The following EVI5 variants were observed in gnomAD, a reference collection of about 807,000 sequenced individuals.
The protein encoded by EVI5 is ecotropic viral integration site 5 protein homolog.
In EVI5, 73 loss-of-function variants were observed where a neutral mutation model predicts 112.0. The ratio of observed to expected loss-of-function variants is 0.65; its 90% CI spans 0.54 to 0.79. The LOEUF (loss-of-function observed/expected upper bound fraction) is 0.79, where lower values mean the gene tolerates loss of function less well. EVI5 is among the 30% of genes least tolerant of loss of function. The pLI is 0.00. For missense variants in EVI5, 900 were observed against 968.8 expected, an observed-to-expected ratio of 0.93 and a Z score of 0.94; for synonymous variants, 305 against 319.9, an observed-to-expected ratio of 0.95 and a Z score of 0.50.
chr1:92,775,293 T>C lies in EVI5; in HGVS notation c.-82+9543A>G, dbSNP rs187491632. ...AAATGTAGAAATTAGCCATGTGTAG[T>C]GGTGTGTGCCTATAATCCCAGCTAC... On this transcript the variant is annotated intron_variant, in intron 1 of 19. Coordinates refer to ENST00000684568, the MANE Select transcript of EVI5 (RefSeq NM_001350197.2). Among the ~76,000 whole-genome samples the C allele has an allele frequency of 4.3e-4, 65 of 152,120 alleles. 1 individual carries two copies. The highest frequency in any genetic ancestry group is 1.5e-3 in the African/African-American group (64 of 41,492).
intron 18 of EVI5, among the ~76,000 whole-genome samples, chr1:92,593,950 G>A (rs904110461): frequency 1.3e-5 from 2 of 152,190 alleles, no homozygotes; most frequent in Non-Finnish European, 2.9e-5. Flanking sequence ...AACATTCCAT[G>A]CTTATGGGTA....
intron 19 of EVI5, among the ~76,000 whole-genome samples, chr1:92,559,501 T>C (rs1355295460): frequency 1.3e-5 from 2 of 152,068 alleles, no homozygotes; most frequent in Non-Finnish European, 2.9e-5. Flanking sequence ...TGGCTGGGCA[T>C]GGTGGCTCAT....
At chr1:92,566,349 T>C (rs1184818308) in intron 18 of EVI5, among the ~76,000 whole-genome samples, 1 of 152,178 alleles carries the variant, frequency 6.6e-6, no homozygotes, top group Non-Finnish European at 1.5e-5. Context: ...ATGATGATGG[T>C]CCCATAAGAT....
intron 5 of EVI5, among the ~76,000 whole-genome samples, chr1:92,698,844 C>A (rs1008180879): frequency 6.6e-6 from 1 of 152,162 alleles, no homozygotes; most frequent in African/African-American, 2.4e-5. Context: ...ACCAATTTCA[C>A]ATTTTATGTG....
In EVI5 at chr1:92,755,079, T is replaced by TC. The variant is rs1192228778; in HGVS notation, c.-81-18453_-81-18452insG. Among the ~76,000 whole-genome samples the TC allele has an allele frequency of 2.6e-5, 4 of 151,282 alleles. No individual in the cohort carries two copies. The South Asian group carries it at 8.4e-4, about 32-fold the overall frequency. Reference sequence around the variant, plus strand: ...TGATGTGAACATAGGTTTTTTTTTTTTTTTTTTTTTGCATCTGAAATATTC... The same window carrying TC: ...TGATGTGAACATAGGTTTTTTTTTTTCTTTTTTTTTTGCATCTGAAATATTC... On this transcript the variant is annotated intron_variant, in intron 1 of 19. Transcript: ENST00000684568.
chr1:92,696,312 T>C (rs949929928), intron 6 of EVI5, among the ~76,000 whole-genome samples: 5 of 152,000 alleles, frequency 3.3e-5, no homozygotes, highest in Non-Finnish European at 5.9e-5. Context: ...CAGAAAAGAA[T>C]TAATTAAGAA....
intron 13 of EVI5, among the ~76,000 whole-genome samples, chr1:92,655,574 A>T (rs1488751645): frequency 1.3e-5 from 2 of 152,194 alleles, no homozygotes; most frequent in Non-Finnish European, 2.9e-5. Flanking sequence ...ATGATCCAGT[A>T]ATATGCTGCT....
intron 16 of EVI5, among the ~76,000 whole-genome samples, chr1:92,615,597 G>A (rs1055607776): frequency 1.3e-5 from 2 of 152,126 alleles, no homozygotes; most frequent in African/African-American, 4.8e-5. Flanking sequence ...CCCATCCCCA[G>A]TAGTGGAAAC....
intron 18 of EVI5, among the ~76,000 whole-genome samples, chr1:92,569,324 A>G (rs1239723134): frequency 6.6e-6 from 1 of 152,218 alleles, no homozygotes; most frequent in Non-Finnish European, 1.5e-5. Flanking sequence ...TATGCAAAGA[A>G]TCAAGCAAAT....
chr1:92,698,534 C>G (rs1670660926), intron 5 of EVI5, among the ~76,000 whole-genome samples: 1 of 152,096 alleles, frequency 6.6e-6, no homozygotes. Flanking sequence ...AAGAACAGTT[C>G]CAGAAGACCA....
chr1:92,771,248 G>A (rs907298650), intron 1 of EVI5, among the ~76,000 whole-genome samples: 1 of 151,830 alleles, frequency 6.6e-6, no homozygotes, highest in East Asian at 1.9e-4. Flanking sequence ...TTGTTCTTAT[G>A]CAGACTCTTC....
chr1:92,774,818 C>G (rs1683889804), intron 1 of EVI5, among the ~76,000 whole-genome samples: 1 of 152,126 alleles, frequency 6.6e-6, no homozygotes, highest in East Asian at 1.9e-4. Flanking sequence ...AAACTGCAAA[C>G]AGTACAAGCA....
intron 1 of EVI5, among the ~76,000 whole-genome samples, chr1:92,738,082 C>A (rs996421724): frequency 3.3e-5 from 5 of 152,140 alleles, no homozygotes; most frequent in Non-Finnish European, 7.3e-5. Context: ...TGCCTGCTTC[C>A]AGGCAAAAGA....
chr1:92,527,055 T>C (rs1662000145), intron 19 of EVI5, among the ~76,000 whole-genome samples: 1 of 152,196 alleles, frequency 6.6e-6, no homozygotes, highest in Non-Finnish European at 1.5e-5. Context: ...AGTGTTTTTT[T>C]CCTATGGCCA....
At chr1:92,518,337 G>A (rs1660307441) in intron 19 of EVI5, among the ~76,000 whole-genome samples, 1 of 152,146 alleles carries the variant, frequency 6.6e-6, no homozygotes, top group South Asian at 2.1e-4. Context: ...CAGGTAAAAT[G>A]AGACACGGGT....
At chr1:92,756,704 GTA>G in intron 1 of EVI5, 2 of 489,896 alleles carry the variant, frequency 4.1e-6, no homozygotes, top group South Asian at 3.2e-5. Flanking sequence ...CCTCACCGCT[GTA>G]TCGCCATCCT....
chr1:92,517,435 T>C lies in EVI5; in HGVS notation c.2167-3465A>G, dbSNP rs142200946. Reference sequence around the variant, plus strand: ...TAGATACCAAGGGATGACAGTGCTCTAAACTCTCAGAATCACCGTGGTAGA... The same window carrying C: ...TAGATACCAAGGGATGACAGTGCTCCAAACTCTCAGAATCACCGTGGTAGA... On this transcript the variant is annotated intron_variant, in intron 19 of 19. Coordinates refer to ENST00000684568, the MANE Select transcript of EVI5 (RefSeq NM_001350197.2). Among the ~76,000 whole-genome samples, 671 of 152,334 alleles carry C rather than the reference T, an allele frequency of 4.4e-3. 3 individuals carry two copies. Among genetic ancestry groups the C allele is most frequent in the Middle Eastern group, 0.017 (5 of 294 alleles).
intron 6 of EVI5, 74 bp downstream of exon 6, chr1:92,697,786 G>A (rs1670539748): frequency 3.4e-6 from 4 of 1,181,134 alleles, no homozygotes; most frequent in Non-Finnish European, 4.9e-6. Flanking sequence ...CATTAAATTT[G>A]CTTAGTTGGC....
intron 10 of EVI5, among the ~76,000 whole-genome samples, chr1:92,671,804 C>CT (rs543142314): frequency 0.61 from 86,856 of 141,644 alleles, 27,115 homozygotes; most frequent in East Asian, 0.92. Context: ...CCACCATCAT[C>CT]TTTTTTTTTT....
Sources: allele counts gnomAD v4.1 joint callset (sites outside exome capture counted in the v4.1 genomes callset), GRCh38; gene constraint gnomAD v4.1.1; transcripts MANE v1.5; gene names NCBI Gene and HGNC (gene_info 2026-07-23, HGNC 2026-07-21).